The following ASB3 variants were observed in gnomAD, a reference collection of about 807,000 sequenced individuals.
The protein encoded by ASB3 is ankyrin repeat and SOCS box containing 3, also known as ankyrin repeat and SOCS box protein 3.
Under a neutral mutation model 54.5 loss-of-function variants are expected in ASB3, and 41 were observed. That is an observed-to-expected ratio of 0.75 (90% CI 0.59 to 0.98). The LOEUF (loss-of-function observed/expected upper bound fraction) is 0.98. Among genes scored for constraint, ASB3 ranks in the 50% least tolerant of loss-of-function variants. The pLI, the probability that ASB3 is intolerant of heterozygous loss-of-function variation, is 0.00. For missense variants in ASB3, 733 were observed against 620.0 expected (o/e 1.18, Z -1.94); for synonymous variants, 266 against 221.2 (o/e 1.20, Z -1.80).
In ASB3 at chr2:53,723,176, T is replaced by C. The variant is rs1572908751; in HGVS notation, c.604+5536A>G. Among the ~76,000 whole-genome samples, 7 of 152,156 alleles carry C rather than the reference T, an allele frequency of 4.6e-5. 2 individuals carry two copies. Among genetic ancestry groups the C allele is most frequent in the Admixed American group, 4.6e-4 (7 of 15,276 alleles). The stretch of plus-strand genomic sequence containing the variant: ...TACAAGGAGAACTACAAAATACTAC[T>C]GAAAAAAAATCATAGATGACACAAA... On this transcript the variant is annotated intron_variant, in intron 5 of 9. Transcript: ENST00000263634.
chr2:53,773,861 C>A (rs531451488), intron 1 of ASB3, among the ~76,000 whole-genome samples: 82 of 151,974 alleles, frequency 5.4e-4, no homozygotes, highest in Non-Finnish European at 1.1e-3. Flanking sequence ...GTGACAAAAC[C>A]CCTTCTCTAC....
intron 5 of ASB3, among the ~76,000 whole-genome samples, chr2:53,728,094 C>G (rs1671108235): frequency 6.6e-6 from 1 of 151,970 alleles, no homozygotes; most frequent in African/African-American, 2.4e-5. Flanking sequence ...CAAGTTAGCA[C>G]TGTGAAGAGC....
At position 53,673,664 on chromosome 2, in the gene ASB3, G is replaced by C. The variant is rs115819481; in HGVS notation, c.1370-2974C>G. Among the ~76,000 whole-genome samples, 1,431 of 152,202 alleles carry C rather than the reference G, an allele frequency of 9.4e-3. 26 individuals are homozygous for C. The highest frequency in any genetic ancestry group is 0.033 in the African/African-American group (1,357 of 41,536). The stretch of plus-strand genomic sequence containing the variant: ...GTTGTTAACTAGATCTCAATGATTT[G>C]ACTCCCAGTCCAGGGTTCTTTAAAC... On this transcript the variant is annotated intron_variant, in intron 9 of 9. Transcript: ENST00000263634.
chr2:53,677,958 G>C (rs1382932985), intron 9 of ASB3, among the ~76,000 whole-genome samples: 1 of 152,006 alleles, frequency 6.6e-6, no homozygotes, highest in East Asian at 1.9e-4. Context: ...TTGCAATTAG[G>C]TGGTAGTCAT....
At chr2:53,730,132 T>G (rs113551548) in intron 3 of ASB3, among the ~76,000 whole-genome samples, 3 of 152,244 alleles carry the variant, frequency 2.0e-5, no homozygotes, top group South Asian at 2.1e-4. Flanking sequence ...AAATAAAAAA[T>G]GTTGTTAAAG....
At chr2:53,756,799 G>T in intron 2 of ASB3, 1 of 153,162 alleles carries the variant, frequency 6.5e-6, no homozygotes, top group South Asian at 1.8e-4. Flanking sequence ...ACCCGCTGTT[G>T]ACTTCTACCC....
At chr2:53,703,890 A>T (rs1669623234) in intron 7 of ASB3, among the ~76,000 whole-genome samples, 2 of 152,206 alleles carry the variant, frequency 1.3e-5, no homozygotes, top group Admixed American at 1.3e-4. Flanking sequence ...TAAAAATAAA[A>T]TTTTTAAACT....
At position 53,714,368 on chromosome 2, in the gene ASB3, T is replaced by C. The variant is rs777724686; in HGVS notation, c.980+16A>G. ...CAAAAAAGAATAAAAAATAAAAACA[T>C]AGCAAATATACATACTCCTTTTGGA... On this transcript the variant is annotated intron_variant, in intron 7 of 9. Coordinates refer to ENST00000263634, the MANE Select transcript of ASB3 (RefSeq NM_016115.5). 23 of 1,608,694 alleles carry C rather than the reference T, an allele frequency of 1.4e-5. No individual in the cohort carries two copies. The highest frequency in any genetic ancestry group is 8.9e-5 in the East Asian group (4 of 44,852).
intron 7 of ASB3, among the ~76,000 whole-genome samples, chr2:53,705,828 T>G (rs1275478282): frequency 6.6e-6 from 1 of 152,222 alleles, no homozygotes; most frequent in Non-Finnish European, 1.5e-5. Flanking sequence ...TTTAAATTTG[T>G]TAAACATTTG....
intron 3 of ASB3, among the ~76,000 whole-genome samples, chr2:53,732,131 G>A (rs563044430): frequency 6.6e-6 from 1 of 151,296 alleles, no homozygotes; most frequent in East Asian, 2.0e-4. Flanking sequence ...GCTAATTTTT[G>A]TATTTTTAGT....
intron 9 of ASB3, among the ~76,000 whole-genome samples, chr2:53,679,412 T>C (rs1040871117): frequency 6.6e-6 from 1 of 152,160 alleles, no homozygotes; most frequent in Non-Finnish European, 1.5e-5. Context: ...ACTGGTCTTA[T>C]GGGCTTTTTT....
chr2:53,761,275 A>G (rs953520551), intron 2 of ASB3, among the ~76,000 whole-genome samples: 1 of 152,198 alleles, frequency 6.6e-6, no homozygotes, highest in African/African-American at 2.4e-5. Flanking sequence ...TGAGGTAAAG[A>G]AATAGTCAAA....
At chr2:53,755,944 G>T (rs1382466658) in intron 2 of ASB3, among the ~76,000 whole-genome samples, 2 of 151,930 alleles carry the variant, frequency 1.3e-5, no homozygotes, top group African/African-American at 4.8e-5. Context: ...TTGAGGCCAG[G>T]AGTTTTGAGA....
intron 1 of ASB3, among the ~76,000 whole-genome samples, chr2:53,770,033 G>C (rs1673784804): frequency 1.3e-5 from 2 of 152,160 alleles, no homozygotes; most frequent in Non-Finnish European, 1.5e-5. Context: ...GCACACAGTA[G>C]CTATGCATAA....
At chr2:53,768,908 T>A (rs1436292688) in intron 1 of ASB3, among the ~76,000 whole-genome samples, 1 of 152,104 alleles carries the variant, frequency 6.6e-6, no homozygotes, top group East Asian at 1.9e-4. Flanking sequence ...CAATGGAAAG[T>A]GGAAAAGATC....
At chr2:53,689,477 G>C (rs2103708347) in intron 9 of ASB3, among the ~76,000 whole-genome samples, 1 of 152,266 alleles carries the variant, frequency 6.6e-6, no homozygotes, top group East Asian at 1.9e-4. Flanking sequence ...ACTAGAAATG[G>C]CTTTAGCAGA....
chr2:53,713,505 C>G (rs1054283521), intron 7 of ASB3, among the ~76,000 whole-genome samples: 1 of 152,204 alleles, frequency 6.6e-6, no homozygotes, highest in African/African-American at 2.4e-5. Context: ...ACTGGCCAGA[C>G]ACTAACAAGG....
At chr2:53,713,536 G>A (rs1464504525) in intron 7 of ASB3, among the ~76,000 whole-genome samples, 1 of 152,182 alleles carries the variant, frequency 6.6e-6, no homozygotes, top group Non-Finnish European at 1.5e-5. Context: ...TCTTCACTTA[G>A]TCTATTTCAC....
At chr2:53,728,924 T>G (rs1286479319) in intron 4 of ASB3, 77 bp from the exon 5 acceptor site, 1 of 1,454,064 alleles carries the variant, frequency 6.9e-7, no homozygotes, top group Non-Finnish European at 9.1e-7. Flanking sequence ...CTGTGTTTTT[T>G]TTTTCTTTTT....
Sources: gnomAD v4.1 joint callset for allele counts (sites outside exome capture counted in the v4.1 genomes callset) on GRCh38, gnomAD v4.1.1 for gene constraint, MANE v1.5 for transcripts, NCBI Gene and HGNC (gene_info 2026-07-23, HGNC 2026-07-21) for gene names.